Variants in CCDC39 observed in about 807,000 individuals in gnomAD.
CCDC39 encodes coiled-coil domain-containing protein 39.
CCDC39 carries 113 observed loss-of-function variants against 121.0 expected under a neutral mutation model. The observed-to-expected ratio is 0.93, with a 90% CI of 0.80 to 1.09. The LOEUF is 1.09. Among genes scored for constraint, CCDC39 ranks in the 50% least tolerant of loss-of-function variants. The pLI, the probability that CCDC39 is intolerant of heterozygous loss-of-function variation, is 0.00. For missense variants in CCDC39, 1,063 were observed against 1,074.7 expected (o/e 0.99, Z 0.15); for synonymous variants, 349 against 352.2 (o/e 0.99, Z 0.10).
intron 14 of CCDC39, 134 bp downstream of exon 14, chr3:180,631,335 G>T: frequency 1.2e-6 from 1 of 802,992 alleles, no homozygotes; most frequent in Non-Finnish European, 2.0e-6. Context: ...CCCTAATTAA[G>T]TGAAATAGTT....
At chr3:180,629,603 T>G (rs1228927158) in intron 14 of CCDC39, among the ~76,000 whole-genome samples, 1 of 152,224 alleles carries the variant, frequency 6.6e-6, no homozygotes, top group Non-Finnish European at 1.5e-5. Context: ...TTTCCTGATA[T>G]AAGCTAGACT....
intron 8 of CCDC39, 34 bp from the exon 9 acceptor site, chr3:180,651,567 G>A (rs372873947): frequency 4.8e-5 from 71 of 1,489,292 alleles, no homozygotes; most frequent in Middle Eastern, 3.9e-4. Flanking sequence ...GATAGAAAAC[G>A]TGCCTAAAAA....
intron 14 of CCDC39, among the ~76,000 whole-genome samples, chr3:180,623,912 G>A (rs1717493283): frequency 6.6e-6 from 1 of 151,956 alleles, no homozygotes; most frequent in African/African-American, 2.4e-5. Context: ...TGCAGTCGTT[G>A]GGTAGAATGT....
At chr3:180,659,882 C>A (rs908003552) in intron 4 of CCDC39, 113 bp from the exon 5 acceptor site, 74 of 592,272 alleles carry the variant, frequency 1.2e-4, no homozygotes, top group Non-Finnish European at 1.8e-4. Flanking sequence ...TATTTTATAT[C>A]TAAAACTGTG....
chr3:180,625,298 CT>C (rs1476087367), intron 14 of CCDC39, among the ~76,000 whole-genome samples: 1 of 146,866 alleles, frequency 6.8e-6, no homozygotes, highest in African/African-American at 2.5e-5. Flanking sequence ...CTCTCTGTTG[CT>C]TGTCTAGTCT....
intron 1 of CCDC39, among the ~76,000 whole-genome samples, chr3:180,677,345 T>C (rs1015376682): frequency 8.9e-4 from 133 of 150,054 alleles, no homozygotes; most frequent in African/African-American, 3.1e-3. Context: ...TAAGGACCAT[T>C]AAAGCAAATC....
At chr3:180,629,609 AGACT>A (rs1334132529) in intron 14 of CCDC39, among the ~76,000 whole-genome samples, 3 of 152,194 alleles carry the variant, frequency 2.0e-5, no homozygotes, top group African/African-American at 7.2e-5. Context: ...GATATAAGCT[AGACT>A]GAGTTTAGTT....
At chr3:180,653,256 T>C (rs560943043) in intron 7 of CCDC39, among the ~76,000 whole-genome samples, 2 of 152,276 alleles carry the variant, frequency 1.3e-5, no homozygotes, top group Admixed American at 6.5e-5. Context: ...CACTGCAACC[T>C]TGTACAAAAC....
chr3:180,658,072 A>G (rs1385711327), intron 6 of CCDC39, among the ~76,000 whole-genome samples: 1 of 139,174 alleles, frequency 7.2e-6, no homozygotes, highest in Non-Finnish European at 1.5e-5. Flanking sequence ...TGTCTCTACT[A>G]AAAAAAAACT....
In CCDC39 at chr3:180,644,167, T is replaced by A. The variant is rs373541834; in HGVS notation, c.1618A>T (p.Ile540Phe). ...MTKINELNLF[I>F]DRSEKELDKA... ...TCAAGTTCTTTCTCTGATCTGTCGA[T>A]GAAAAGGTTTAGTTCATTTATTTTG... Residue 540 changes from isoleucine to phenylalanine, a missense_variant, in exon 12 of 20, where the codon ATC (isoleucine) becomes TTC (phenylalanine). Physicochemically the swap from Ile to Phe is conservative, Grantham distance 21 (BLOSUM62 0). Coordinates refer to ENST00000476379, the MANE Select transcript of CCDC39 (RefSeq NM_181426.2). The A allele has an allele frequency of 1.9e-6, 3 of 1,545,630 alleles. No individual in the cohort carries two copies. The highest frequency in any genetic ancestry group is 2.6e-6 in the Non-Finnish European group (3 of 1,144,512).
intron 14 of CCDC39, among the ~76,000 whole-genome samples, chr3:180,625,135 C>T (rs554255172): frequency 6.6e-6 from 1 of 152,190 alleles, no homozygotes; most frequent in East Asian, 1.9e-4. Flanking sequence ...TTATTTCTCT[C>T]TCTTACCCCT....
Position 180,619,962 on chromosome 3 carries a change from T to C in CCDC39, c.2007A>G (p.Gln669=). 6.2e-7 allele frequency: 1 copy of C among 1,603,890 alleles called. No homozygotes were observed. Among genetic ancestry groups the C allele is most frequent in the Non-Finnish European group, 8.5e-7 (1 of 1,174,740 alleles). The change falls in exon 15 of 20, where the codon CAA becomes CAG. Residue 669 remains glutamine, a synonymous_variant. Coordinates refer to ENST00000476379, the MANE Select transcript of CCDC39 (RefSeq NM_181426.2). ...TQAYYVIKAA[Q]EKEELQREGD... ...CTTCCCTTTGAAGTTCTTCTTTTTC[T>C]TGAGCAGCCTATGAAGTACAGAATA...
intron 14 of CCDC39, among the ~76,000 whole-genome samples, chr3:180,622,710 A>T (rs940344925): frequency 6.6e-6 from 1 of 152,086 alleles, no homozygotes; most frequent in Non-Finnish European, 1.5e-5. Flanking sequence ...GTGATGTATC[A>T]TGTTTATTAA....
intron 6 of CCDC39, among the ~76,000 whole-genome samples, chr3:180,658,166 G>T (rs1327118333): frequency 6.6e-6 from 1 of 151,494 alleles, no homozygotes; most frequent in Non-Finnish European, 1.5e-5. Flanking sequence ...TTGAATCCGG[G>T]AGGCAGAGAT....
At chr3:180,658,071 TAA>T (rs112076929) in intron 6 of CCDC39, among the ~76,000 whole-genome samples, 1 of 149,296 alleles carries the variant, frequency 6.7e-6, no homozygotes, top group Admixed American at 6.7e-5. Flanking sequence ...CTGTCTCTAC[TAA>T]AAAAAAACTA....
At chr3:180,615,746 C>A (rs1449196359) in intron 19 of CCDC39, among the ~76,000 whole-genome samples, 2 of 151,840 alleles carry the variant, frequency 1.3e-5, no homozygotes, top group Non-Finnish European at 2.9e-5. Flanking sequence ...GTCAGCAAAG[C>A]ACAAGAATGT....
Position 180,659,737 on chromosome 3 carries a change from CAA to C in CCDC39, c.547_548del (p.Leu183GlyfsTer3), listed in dbSNP as rs758482424. 21 of 1,611,996 alleles carry C rather than the reference CAA, an allele frequency of 1.3e-5. No homozygotes were observed. Among genetic ancestry groups the C allele is most frequent in the Non-Finnish European group, 1.8e-5 (21 of 1,179,104 alleles). ...GTATCTTTCTTTTCTGATTACATTC[CAA>C]AGTTAGTCTTTCTAATTGCAGAGTC... is the stretch of plus-strand genomic sequence containing the variant. Reference protein sequence around the residue: ...ALTLQLERLTLECNQKRKILD... With the variant: ...ALTLQLERLTXECNQKRKILD... On this transcript the variant is annotated frameshift_variant, in exon 5 of 20. Transcript: ENST00000476379. LOFTEE classifies it high-confidence loss of function.
intron 9 of CCDC39, among the ~76,000 whole-genome samples, chr3:180,649,172 C>A (rs1019908850): frequency 3.3e-5 from 5 of 152,122 alleles, no homozygotes; most frequent in Non-Finnish European, 7.3e-5. Flanking sequence ...CAGCACACTA[C>A]AGGAACTACC....
At chr3:180,637,396 G>A (rs1168348422) in intron 13 of CCDC39, among the ~76,000 whole-genome samples, 1 of 151,922 alleles carries the variant, frequency 6.6e-6, no homozygotes, top group East Asian at 1.9e-4. Flanking sequence ...CAGAATGGCT[G>A]CCATTAAAGT....
Sources: allele counts gnomAD v4.1 joint callset (sites outside exome capture counted in the v4.1 genomes callset), GRCh38; gene constraint gnomAD v4.1.1; transcripts MANE v1.5; gene names NCBI Gene and HGNC (gene_info 2026-07-23, HGNC 2026-07-21).